The following LYN variants were observed in gnomAD, a reference collection of about 807,000 sequenced individuals.
LYN encodes the protein LYN proto-oncogene, Src family tyrosine kinase.
LYN carries 12 observed loss-of-function variants against 65.0 expected under a neutral mutation model. The ratio of observed to expected loss-of-function variants is 0.18; its 90% CI spans 0.12 to 0.30. The LOEUF is 0.30. Ranked by LOEUF, LYN falls within the 10% of genes least tolerant of loss-of-function variation. LYN has a pLI of 1.00. For missense variants in LYN, 380 were observed against 623.2 expected (o/e 0.61, Z 4.16); for synonymous variants, 222 against 221.2 (o/e 1.00, Z -0.03).
chr8:56,010,429 G>T lies in LYN; in HGVS notation c.*319G>T. On this transcript the variant is annotated 3_prime_UTR_variant, in exon 13 of 13. Coordinates refer to ENST00000519728, the MANE Select transcript of LYN (RefSeq NM_002350.4). The stretch of plus-strand genomic sequence containing the variant: ...CAAAAATGCACCCAACTAGCTCTAT[G>T]TTTACAAATGGACATAGGACTCAAA... 2 of 368,478 alleles carry T rather than the reference G, an allele frequency of 5.4e-6. No individual in the cohort carries two copies. Among genetic ancestry groups the T allele is most frequent in the South Asian group, 6.9e-5 (2 of 28,824 alleles). 22.8% of individuals were successfully genotyped at this position (368,478 alleles called of 1,614,324 possible).
chr8:55,915,937 A>T (rs993499511), intron 1 of LYN, among the ~76,000 whole-genome samples: 2 of 152,208 alleles, frequency 1.3e-5, no homozygotes, highest in Non-Finnish European at 2.9e-5. Flanking sequence ...AAGCTCTAAG[A>T]TATGACATGA....
rs1276685239 is a variant in LYN at position 55,911,282 on chromosome 8, TATA to T, written c.-5-30572_-5-30570del. Among the ~76,000 whole-genome samples, 216 of 47,794 alleles carry T rather than the reference TATA, an allele frequency of 4.5e-3. 21 individuals are homozygous for T. The highest frequency in any genetic ancestry group is 0.013 in the African/African-American group (133 of 10,204). 31.4% of individuals were successfully genotyped at this position (47,794 alleles called of 152,430 possible). ...GTATATATATATATATATATATATA[TATA>T]TTTTTTTTTTTTTTTTAGTAGAGAC... On this transcript the variant is annotated intron_variant, in intron 1 of 12. Transcript: ENST00000519728.
At chr8:55,990,653 C>G (rs1350805186) in intron 10 of LYN, among the ~76,000 whole-genome samples, 1 of 152,106 alleles carries the variant, frequency 6.6e-6, no homozygotes, top group Non-Finnish European at 1.5e-5. Flanking sequence ...AATTTGGTAT[C>G]TTATTGCTGC....
At chr8:55,942,317 A>ATGTATATATATGTGTATATATATG (rs1455711643) in intron 2 of LYN, among the ~76,000 whole-genome samples, 2 of 136,876 alleles carry the variant, frequency 1.5e-5, no homozygotes, top group African/African-American at 5.8e-5. Flanking sequence ...ATGTGTATAT[A>ATGTATATATATGTGTATATATATG]TGTATATATA....
At chr8:55,940,060 G>T (rs1282140610) in intron 1 of LYN, among the ~76,000 whole-genome samples, 1 of 152,196 alleles carries the variant, frequency 6.6e-6, no homozygotes, top group Non-Finnish European at 1.5e-5. Context: ...CGCAGGCCTG[G>T]ACGCGTGGCA....
intron 3 of LYN, among the ~76,000 whole-genome samples, chr8:55,947,174 A>C (rs975188345): frequency 6.0e-4 from 91 of 152,316 alleles, no homozygotes; most frequent in Non-Finnish European, 9.3e-4. Flanking sequence ...GCTTGAACCC[A>C]GGAGGTGGAG....
chr8:55,911,210 C>T (rs578242617), intron 1 of LYN, among the ~76,000 whole-genome samples: 11 of 9,420 alleles, frequency 1.2e-3, no homozygotes, highest in Non-Finnish European at 2.6e-3. Context: ...TATATATATA[C>T]ACGTGTATAT....
chr8:55,994,528 G>A (rs1808325908), intron 10 of LYN, among the ~76,000 whole-genome samples: 1 of 152,146 alleles, frequency 6.6e-6, no homozygotes, highest in Admixed American at 6.5e-5. Context: ...CAAGTCCCTG[G>A]AGTGCTTTTT....
At chr8:55,892,934 A>G (rs181331379) in intron 1 of LYN, among the ~76,000 whole-genome samples, 96 of 152,258 alleles carry the variant, frequency 6.3e-4, no homozygotes, top group Admixed American at 2.0e-3. Flanking sequence ...CCCTCCCCCA[A>G]GCAGTACTCC....
intron 2 of LYN, among the ~76,000 whole-genome samples, chr8:55,944,773 A>AC (rs1371570733): frequency 6.6e-6 from 1 of 152,066 alleles, no homozygotes; most frequent in Non-Finnish European, 1.5e-5. Context: ...GAGCCACCAC[A>AC]CCCAGCCTGT....
chr8:56,000,524 C>T (rs1009259206), intron 12 of LYN, among the ~76,000 whole-genome samples: 3 of 151,592 alleles, frequency 2.0e-5, no homozygotes, highest in South Asian at 2.1e-4. Flanking sequence ...GTCAGGAGTT[C>T]GAGACCAGCC....
At chr8:55,999,374 T>G (rs750658967) in intron 11 of LYN, 44 bp from the exon 12 acceptor site, 1 of 1,576,820 alleles carries the variant, frequency 6.3e-7, no homozygotes, top group Non-Finnish European at 8.6e-7. Flanking sequence ...CTTTTTTGTT[T>G]AAGTTTAAAT....
Position 56,013,225 on chromosome 8 carries a change from A to C in LYN, c.*3115A>C, listed in dbSNP as rs1194722527. ...GGGCACTGAAAGCATCATAAGTATA[A>C]ACTCATCTCCACGTCAGCTTGTGGA... On this transcript the variant is annotated 3_prime_UTR_variant, in exon 13 of 13. Coordinates refer to ENST00000519728, the MANE Select transcript of LYN (RefSeq NM_002350.4). 6.6e-6 allele frequency: 1 copy of C among 152,036 alleles called. No individual in the cohort carries two copies. The highest frequency in any genetic ancestry group is 1.5e-5 in the Non-Finnish European group (1 of 68,060). 9.4% of individuals were successfully genotyped at this position (152,036 alleles called of 1,614,324 possible). A position where few individuals can be genotyped will look rare whatever the true frequency, so the allele number is the denominator to read the frequency against.
intron 11 of LYN, 104 bp downstream of exon 11, chr8:55,998,603 ATT>A: frequency 9.6e-7 from 1 of 1,036,372 alleles, no homozygotes; most frequent in African/African-American, 1.6e-5. Flanking sequence ...AGAAAAACTT[ATT>A]TGGTACAACA....
intron 8 of LYN, among the ~76,000 whole-genome samples, chr8:55,958,095 A>C (rs1807173192): frequency 6.6e-6 from 1 of 152,198 alleles, no homozygotes. Flanking sequence ...CCTGGAGCAC[A>C]CACCTCAGCA....
At chr8:55,998,607 G>T in intron 11 of LYN, 108 bp downstream of exon 11, 3 of 997,038 alleles carry the variant, frequency 3.0e-6, no homozygotes, top group South Asian at 3.0e-5. Flanking sequence ...AAACTTATTT[G>T]GTACAACATT....
At chr8:55,900,968 C>A (rs1334767930) in intron 1 of LYN, among the ~76,000 whole-genome samples, 1 of 151,786 alleles carries the variant, frequency 6.6e-6, no homozygotes, top group Non-Finnish European at 1.5e-5. Context: ...GCAAAGAAGA[C>A]GTGGATTGAG....
At chr8:55,996,505 C>T (rs1169842063) in intron 10 of LYN, among the ~76,000 whole-genome samples, 2 of 152,190 alleles carry the variant, frequency 1.3e-5, no homozygotes, top group Non-Finnish European at 2.9e-5. Flanking sequence ...TAACTGCTTA[C>T]CAGATAAACT....
intron 1 of LYN, among the ~76,000 whole-genome samples, chr8:55,931,129 A>G (rs771792645): frequency 1.4e-5 from 2 of 147,606 alleles, no homozygotes; most frequent in African/African-American, 2.5e-5. Context: ...GTTACTTTTT[A>G]TATATAATAA....
Sources: allele counts gnomAD v4.1 joint callset (sites outside exome capture counted in the v4.1 genomes callset), GRCh38; gene constraint gnomAD v4.1.1; transcripts MANE v1.5; gene names NCBI Gene and HGNC (gene_info 2026-07-23, HGNC 2026-07-21).